Variants in ST3GAL4 observed in about 807,000 individuals in gnomAD.
ST3GAL4 encodes CMP-N-acetylneuraminate-beta-galactosamide-alpha-2,3-sialyltransferase 4.
A neutral mutation model predicts 42.6 loss-of-function variants in ST3GAL4; 24 were observed. The observed-to-expected ratio is 0.56, with a 90% CI of 0.41 to 0.79. ST3GAL4 has a LOEUF of 0.79. ST3GAL4 is among the 30% of genes least tolerant of loss of function. ST3GAL4 has a pLI of 0.00. For missense variants in ST3GAL4, 311 were observed against 430.8 expected (o/e 0.72, Z 2.46); for synonymous variants, 135 against 163.2 (o/e 0.83, Z 1.32).
At position 126,383,380 on chromosome 11, in the gene ST3GAL4, G is replaced by A. The variant is rs1591447042; in HGVS notation, c.-60-22716G>A. Among the ~76,000 whole-genome samples the A allele has an allele frequency of 6.6e-6, 1 of 152,186 alleles. No individual in the cohort carries two copies. Among genetic ancestry groups the A allele is most frequent in the Non-Finnish European group, 1.5e-5 (1 of 68,024 alleles). On this transcript the variant is annotated intron_variant, in intron 1 of 10. Coordinates refer to ENST00000444328, the MANE Select transcript of ST3GAL4 (RefSeq NM_001254757.2). The surrounding 1 kb of genome is among the most constrained non-coding windows in gnomAD (Gnocchi z 4.5). The stretch of plus-strand genomic sequence containing the variant: ...ACCTGCAAGCTGACAGAGTCTCCAG[G>A]AGCCAGAGCTGGGGTGGGAGGAACC...
intron 1 of ST3GAL4, among the ~76,000 whole-genome samples, chr11:126,357,645 C>T (rs1046923777): frequency 5.3e-5 from 8 of 152,202 alleles, no homozygotes; most frequent in African/African-American, 1.9e-4. Flanking sequence ...CTGCTCCTTT[C>T]TGGACTTTTA....
chr11:126,413,222 C>T (rs567440994), intron 9 of ST3GAL4, among the ~76,000 whole-genome samples: 10 of 152,340 alleles, frequency 6.6e-5, no homozygotes, highest in South Asian at 2.1e-4. Context: ...CCTCTGACCT[C>T]GGCCTCCTGA....
At chr11:126,361,253 G>C (rs1952231525) in intron 1 of ST3GAL4, among the ~76,000 whole-genome samples, 1 of 152,146 alleles carries the variant, frequency 6.6e-6, no homozygotes, top group African/African-American at 2.4e-5. Context: ...GAAGAGCGAG[G>C]GGTTCACCCA....
intron 1 of ST3GAL4, chr11:126,405,585 C>G (rs1034036055): frequency 1.7e-5 from 3 of 173,092 alleles, no homozygotes; most frequent in African/African-American, 4.8e-5. Context: ...CTGAGCAAAC[C>G]TGTTTGGCTG....
intron 1 of ST3GAL4, among the ~76,000 whole-genome samples, chr11:126,381,677 T>A (rs1470381566): frequency 1.3e-5 from 2 of 149,480 alleles, no homozygotes; most frequent in Admixed American, 6.7e-5. Context: ...TGTCTTCTTT[T>A]CTTTGGACCT....
Position 126,373,293 on chromosome 11 carries a change from CTT to C in ST3GAL4, c.-61+17452_-61+17453del, listed in dbSNP as rs927827302. Among the ~76,000 whole-genome samples the C allele has an allele frequency of 6.6e-6, 1 of 152,160 alleles. No individual in the cohort carries two copies. The highest frequency in any genetic ancestry group is 2.4e-5 in the African/African-American group (1 of 41,446). Reference sequence around the variant, plus strand: ...GCAACTTCCCCAATTTTGCCTTTAACTTCAGATCCTTGGGGTGGGTGCATTGC... The same window carrying C: ...GCAACTTCCCCAATTTTGCCTTTAACCAGATCCTTGGGGTGGGTGCATTGC... On this transcript the variant is annotated intron_variant, in intron 1 of 10. Coordinates refer to ENST00000444328, the MANE Select transcript of ST3GAL4 (RefSeq NM_001254757.2). The surrounding 1 kb of genome is among the most constrained non-coding windows in gnomAD (Gnocchi z 5.5).
In ST3GAL4 at chr11:126,386,886, C is replaced by T. The variant is rs1019539177; in HGVS notation, c.-60-19210C>T. Among the ~76,000 whole-genome samples, 22 of 152,106 alleles carry T rather than the reference C, an allele frequency of 1.4e-4. No homozygotes were observed. The highest frequency in any genetic ancestry group is 7.7e-4 in the East Asian group (4 of 5,182). On this transcript the variant is annotated intron_variant, in intron 1 of 10. Coordinates refer to ENST00000444328, the MANE Select transcript of ST3GAL4 (RefSeq NM_001254757.2). The surrounding 1 kb of genome is among the most constrained non-coding windows in gnomAD (Gnocchi z 4.7). ...ACAGCACTTTCCTGTAAATTAGGAA[C>T]GGTAACACACACACCCCTCCCCCAC... is the stretch of plus-strand genomic sequence containing the variant.
In ST3GAL4 at chr11:126,396,302, G is replaced by A. The variant is rs1591471285; in HGVS notation, c.-60-9794G>A. ...ATGTGTGGAAGCAGGTACAGCCCAG[G>A]CCCGCGCTGAGGTTCGGCAGGGAAG... is the stretch of plus-strand genomic sequence containing the variant. On this transcript the variant is annotated intron_variant, in intron 1 of 10. Transcript: ENST00000444328. The surrounding 1 kb of genome is among the most constrained non-coding windows in gnomAD (Gnocchi z 5.8). Among the ~76,000 whole-genome samples, 1 of 152,184 alleles carries A rather than the reference G, an allele frequency of 6.6e-6. No homozygotes were observed. The highest frequency in any genetic ancestry group is 1.9e-4 in the East Asian group (1 of 5,178).
chr11:126,387,728 A>T (rs970142088), intron 1 of ST3GAL4, among the ~76,000 whole-genome samples: 4 of 151,830 alleles, frequency 2.6e-5, no homozygotes, highest in Non-Finnish European at 5.9e-5. Context: ...TATGAGCATA[A>T]GTCACTCTCA....
At chr11:126,377,695 C>T (rs1306414501) in intron 1 of ST3GAL4, among the ~76,000 whole-genome samples, 1 of 149,592 alleles carries the variant, frequency 6.7e-6, no homozygotes, top group Non-Finnish European at 1.5e-5. Flanking sequence ...AGGCTGGTCT[C>T]AGACTCTTGA....
intron 1 of ST3GAL4, among the ~76,000 whole-genome samples, chr11:126,403,897 G>A (rs778504231): frequency 6.6e-6 from 1 of 152,184 alleles, no homozygotes; most frequent in Admixed American, 6.5e-5. Context: ...GGTTTGAGAA[G>A]TGTGCTTTCA....
rs574471762 is a variant in ST3GAL4, at chr11:126,396,216, C to A, written c.-60-9880C>A. Among the ~76,000 whole-genome samples the A allele has an allele frequency of 6.6e-6, 1 of 151,904 alleles. No homozygotes were observed. Among genetic ancestry groups the A allele is most frequent in the African/African-American group, 2.4e-5 (1 of 41,270 alleles). On this transcript the variant is annotated intron_variant, in intron 1 of 10. Coordinates refer to ENST00000444328, the MANE Select transcript of ST3GAL4 (RefSeq NM_001254757.2). This position sits in a 1 kb window ranked among gnomAD's most constrained non-coding sequence, Gnocchi z 5.8. ...AGAACGTGGGCAGCGGACACTAAGC[C>A]GAGAGGAATCGCTGTGGGTTGGCAG...
Position 126,406,984 on chromosome 11 carries a change from A to C in ST3GAL4, c.143A>C (p.Gln48Pro). 1 of 1,614,098 alleles carries C rather than the reference A, an allele frequency of 6.2e-7. No homozygotes were observed. The highest frequency in any genetic ancestry group is 8.5e-7 in the Non-Finnish European group (1 of 1,180,020). The change falls in exon 4 of 11, where the codon CAG becomes CCG. Residue 48 changes from glutamine (Q) to proline (P), a missense_variant. Gln to Pro is a moderately conservative substitution (Grantham distance 76). Coordinates refer to ENST00000444328, the MANE Select transcript of ST3GAL4 (RefSeq NM_001254757.2). The surrounding 1 kb of genome is among the most constrained non-coding windows in gnomAD (Gnocchi z 5.4). ...PIPEKKEPCL[Q>P]GEAESKASKL... The stretch of plus-strand genomic sequence containing the variant: ...CCAGAGAAGAAGGAGCCGTGCCTCC[A>C]GGGTGAGGCAGAGAGCAAGGCCTCT...
Position 126,391,093 on chromosome 11 carries a change from C to T in ST3GAL4, c.-60-15003C>T, listed in dbSNP as rs922257233. Among the ~76,000 whole-genome samples the T allele has an allele frequency of 1.3e-5, 2 of 152,118 alleles. No individual in the cohort carries two copies. The highest frequency in any genetic ancestry group is 2.9e-5 in the Non-Finnish European group (2 of 68,020). ...GTGGATCCGTTCATCCACTGATGGA[C>T]GCTTGGGGGTTGCTTCCACATTAGC... On this transcript the variant is annotated intron_variant, in intron 1 of 10. Transcript: ENST00000444328. This position sits in a 1 kb window ranked among gnomAD's most constrained non-coding sequence, Gnocchi z 5.5.
At chr11:126,371,295 G>A (rs1199039518) in intron 1 of ST3GAL4, among the ~76,000 whole-genome samples, 2 of 150,368 alleles carry the variant, frequency 1.3e-5, no homozygotes, top group African/African-American at 2.4e-5. Flanking sequence ...CTCCTGAATA[G>A]CTGGGATTAC....
chr11:126,356,478 G>C (rs1408827472), intron 1 of ST3GAL4, among the ~76,000 whole-genome samples: 3 of 152,180 alleles, frequency 2.0e-5, no homozygotes, highest in Non-Finnish European at 4.4e-5. Flanking sequence ...GACCTGGCTG[G>C]CAGGGACCTC....
In ST3GAL4 at chr11:126,410,808, A is replaced by G. The variant is rs1216956125; in HGVS notation, c.771+1397A>G. Among the ~76,000 whole-genome samples the G allele has an allele frequency of 2.6e-5, 4 of 152,130 alleles. No homozygotes were observed. Among genetic ancestry groups the G allele is most frequent in the African/African-American group, 7.2e-5 (3 of 41,442 alleles). On this transcript the variant is annotated intron_variant, in intron 9 of 10. Transcript: ENST00000444328. This position sits in a 1 kb window ranked among gnomAD's most constrained non-coding sequence, Gnocchi z 5.3. ...CACTGTGGGGTGATAAAATTCCACA[A>G]TGGAGAGTTGTTCCCAATGCCGTGG...
rs895240255 is a variant in ST3GAL4, at chr11:126,391,911, C to T, written c.-60-14185C>T. On this transcript the variant is annotated intron_variant, in intron 1 of 10. Coordinates refer to ENST00000444328, the MANE Select transcript of ST3GAL4 (RefSeq NM_001254757.2). The surrounding 1 kb of genome is among the most constrained non-coding windows in gnomAD (Gnocchi z 5.5). The stretch of plus-strand genomic sequence containing the variant: ...GGAAATACTGGGGTGTGTTTTGAGG[C>T]TCAGAACACCTGTGATAACTTGGTC... Among the ~76,000 whole-genome samples the T allele has an allele frequency of 2.0e-5, 3 of 150,968 alleles. No homozygotes were observed. The highest frequency in any genetic ancestry group is 4.9e-5 in the African/African-American group (2 of 40,828).
rs183860911 is a variant in ST3GAL4 at position 126,363,902 on chromosome 11, C to T, written c.-61+8060C>T. ...CAGGCCCGGCACCGTGTCGCCCTGC[C>T]CCAGCCCAGAGCTTGCCTCTGTTGG... On this transcript the variant is annotated intron_variant, in intron 1 of 10. Transcript: ENST00000444328. This position sits in a 1 kb window ranked among gnomAD's most constrained non-coding sequence, Gnocchi z 4.6. Among the ~76,000 whole-genome samples the T allele has an allele frequency of 1.3e-5, 2 of 152,264 alleles. No individual in the cohort carries two copies.
Sources: gnomAD v4.1 joint callset for allele counts (sites outside exome capture counted in the v4.1 genomes callset) on GRCh38, gnomAD v4.1.1 for gene constraint, Gnocchi (gnomAD v3.1) non-coding constraint, MANE v1.5 for transcripts, NCBI Gene and HGNC (gene_info 2026-07-23, HGNC 2026-07-21) for gene names.